The following DLG2 variants were observed in gnomAD, a reference collection of about 807,000 sequenced individuals.
DLG2 encodes discs large MAGUK scaffold protein 2.
In DLG2, 45 loss-of-function variants were observed where a neutral mutation model predicts 132.5. The ratio of observed to expected loss-of-function variants is 0.34; its 90% CI spans 0.27 to 0.44. The LOEUF (loss-of-function observed/expected upper bound fraction) is 0.44, where lower values mean the gene tolerates loss of function less well. Among genes scored for constraint, DLG2 ranks in the 20% least tolerant of loss-of-function variants. The pLI is 1.00. For missense variants in DLG2, 1,045 were observed against 1,196.9 expected (o/e 0.87, Z 1.87); for synonymous variants, 424 against 419.6 (o/e 1.01, Z -0.13).
chr11:84,107,480 C>A (rs977275296), intron 9 of DLG2, among the ~76,000 whole-genome samples: 1 of 80,814 alleles, frequency 1.2e-5, no homozygotes, highest in Non-Finnish European at 2.9e-5. Flanking sequence ...TCATTTTGAG[C>A]ACTCCATCTT....
intron 3 of DLG2, among the ~76,000 whole-genome samples, chr11:85,303,367 A>C (rs1443052044): frequency 1.3e-5 from 2 of 152,178 alleles, no homozygotes; most frequent in Non-Finnish European, 2.9e-5. Flanking sequence ...CTCTTTGTTC[A>C]TTTTGACCAT....
intron 3 of DLG2, among the ~76,000 whole-genome samples, chr11:85,583,950 C>A (rs1171560571): frequency 6.6e-6 from 1 of 152,142 alleles, no homozygotes; most frequent in Non-Finnish European, 1.5e-5. Context: ...AAGCTCTCAA[C>A]CCCTGGTTAA....
intron 6 of DLG2, among the ~76,000 whole-genome samples, chr11:84,869,381 A>C (rs1219132214): frequency 6.6e-6 from 1 of 152,152 alleles, no homozygotes; most frequent in South Asian, 2.1e-4. Context: ...CTGCCTTCAC[A>C]TGTCACGGGC....
intron 6 of DLG2, among the ~76,000 whole-genome samples, chr11:84,539,056 C>T (rs1329097409): frequency 6.6e-6 from 1 of 152,110 alleles, no homozygotes; most frequent in African/African-American, 2.4e-5. Context: ...CTAATCCTAA[C>T]ACTAATGCAA....
intron 15 of DLG2, among the ~76,000 whole-genome samples, chr11:83,906,620 TG>T (rs2075034124): frequency 6.6e-6 from 1 of 152,082 alleles, no homozygotes; most frequent in Non-Finnish European, 1.5e-5. Context: ...GTGTAGGCAA[TG>T]CAAAGCACTT....
At chr11:83,902,098 G>A (rs973969491) in intron 15 of DLG2, among the ~76,000 whole-genome samples, 1 of 151,756 alleles carries the variant, frequency 6.6e-6, no homozygotes, top group Non-Finnish European at 1.5e-5. Flanking sequence ...AATGTAATTC[G>A]AAAGCCTTTC....
At chr11:84,545,537 C>A in intron 6 of DLG2, 1 of 390,716 alleles carries the variant, frequency 2.6e-6, no homozygotes, top group Non-Finnish European at 5.0e-6. Flanking sequence ...CCTTCTCTTG[C>A]TTTGACAGGG....
chr11:84,055,435 A>G (rs1011195974), intron 11 of DLG2, among the ~76,000 whole-genome samples: 1 of 152,100 alleles, frequency 6.6e-6, no homozygotes, highest in African/African-American at 2.4e-5. Context: ...ATAATTTCCC[A>G]TTGCATTTCA....
chr11:84,098,555 C>T (rs1333358311), intron 10 of DLG2, among the ~76,000 whole-genome samples: 2 of 152,126 alleles, frequency 1.3e-5, no homozygotes, highest in East Asian at 1.9e-4. Context: ...ATATCTACAA[C>T]GTTGCTTTAC....
intron 6 of DLG2, among the ~76,000 whole-genome samples, chr11:84,689,596 A>C (rs1434125039): frequency 6.6e-6 from 1 of 152,080 alleles, no homozygotes; most frequent in Non-Finnish European, 1.5e-5. Context: ...CTTTCTTGTA[A>C]TTAATTCTGT....
upstream of DLG2, chr11:85,627,518 G>A (rs2082093422): frequency 6.6e-6 from 1 of 152,184 alleles, no homozygotes; most frequent in South Asian, 2.1e-4. Flanking sequence ...AAAACACTGA[G>A]ACTTCGAGAG....
chr11:84,042,526 A>G lies in DLG2; in HGVS notation c.919+16789T>C, dbSNP rs1296749669. Among the ~76,000 whole-genome samples, 8 of 151,826 alleles carry G rather than the reference A, an allele frequency of 5.3e-5. No individual in the cohort carries two copies. The Admixed American group carries it at 5.3e-4, about 10-fold the overall frequency. ...TTTTTGATGTTGCTCTTCTTTTCCA[A>G]TGGCACATTATGGTATTCCTTTATT... On this transcript the variant is annotated intron_variant, in intron 11 of 27. Transcript: ENST00000376104.
chr11:83,761,888 C>A (rs1307818732), intron 18 of DLG2, among the ~76,000 whole-genome samples: 3 of 152,144 alleles, frequency 2.0e-5, no homozygotes, highest in Non-Finnish European at 4.4e-5. Context: ...ATGTGGAGGT[C>A]TTTCCCTTCC....
chr11:83,557,603 T>C (rs1164245886), intron 19 of DLG2, among the ~76,000 whole-genome samples: 4 of 152,236 alleles, frequency 2.6e-5, no homozygotes, highest in African/African-American at 9.6e-5. Context: ...AAATCATAGA[T>C]AAATGAAACC....
rs566240536 is a variant in DLG2, at chr11:84,691,711, A to G, written c.358-156980T>C. Among the ~76,000 whole-genome samples the G allele has an allele frequency of 2.6e-5, 4 of 151,652 alleles. No individual in the cohort carries two copies. The South Asian group carries it at 8.3e-4, about 32-fold the overall frequency. Reference sequence around the variant, plus strand: ...AACCCACACCATTAGAATTACATGTATATACGTGTTACTTTTAGATGTACA... The same window carrying G: ...AACCCACACCATTAGAATTACATGTGTATACGTGTTACTTTTAGATGTACA... On this transcript the variant is annotated intron_variant, in intron 6 of 27. Transcript: ENST00000376104.
chr11:84,131,815 GT>G (rs978039392), intron 9 of DLG2, among the ~76,000 whole-genome samples: 4 of 151,770 alleles, frequency 2.6e-5, no homozygotes, highest in Non-Finnish European at 4.4e-5. Context: ...GTACAGAATG[GT>G]TTTCTTTTGT....
chr11:84,928,870 A>T (rs1472824028), intron 6 of DLG2, among the ~76,000 whole-genome samples: 1 of 150,112 alleles, frequency 6.7e-6, no homozygotes, highest in Non-Finnish European at 1.5e-5. Context: ...ATAAAATTGG[A>T]TGTCATTTTG....
intron 8 of DLG2, among the ~76,000 whole-genome samples, chr11:84,225,598 T>C (rs532307176): frequency 2.0e-5 from 3 of 152,306 alleles, no homozygotes; most frequent in East Asian, 1.9e-4. Flanking sequence ...GCCACTGTGA[T>C]AGAATAAGAA....
intron 17 of DLG2, among the ~76,000 whole-genome samples, chr11:83,809,054 T>G (rs779583637): frequency 2.0e-5 from 3 of 152,160 alleles, no homozygotes; most frequent in Admixed American, 2.0e-4. Context: ...ACTTTCCTGC[T>G]GCATCCTCTC....
Sources: gnomAD v4.1 joint callset for allele counts (sites outside exome capture counted in the v4.1 genomes callset) on GRCh38, gnomAD v4.1.1 for gene constraint, MANE v1.5 for transcripts, NCBI Gene and HGNC (gene_info 2026-07-23, HGNC 2026-07-21) for gene names.